The following CLDN14 variants were observed in gnomAD, a reference collection of about 807,000 sequenced individuals.
The protein encoded by CLDN14 is claudin-14.
Under a neutral mutation model 2.1 loss-of-function variants are expected in CLDN14, and 2 were observed. The ratio of observed to expected loss-of-function variants is 0.96; its 90% confidence interval spans 0.39 to 3.01. The LOEUF is 3.01. Ranked by LOEUF, CLDN14 falls within the 30% of genes most tolerant of loss-of-function variation. CLDN14 has a pLI of 0.09. For synonymous variants in CLDN14, 136 were observed against 154.4 expected, an observed-to-expected ratio of 0.88 and a Z score of 0.88; for missense variants, 298 against 328.0, an observed-to-expected ratio of 0.91 and a Z score of 0.71.
At chr21:36,524,804 C>T (rs115729865) in intron 1 of CLDN14, among the ~76,000 whole-genome samples, 148 of 152,300 alleles carry the variant, frequency 9.7e-4, no homozygotes, top group African/African-American at 3.5e-3. Context: ...TATGCTCTGC[C>T]GGGCTGTGAC....
intron 1 of CLDN14, among the ~76,000 whole-genome samples, chr21:36,533,433 TA>T (rs993717776): frequency 9.9e-5 from 15 of 152,210 alleles, no homozygotes; most frequent in African/African-American, 3.1e-4. Context: ...GCTTCCGGCT[TA>T]CAATTGTGAA....
At chr21:36,548,070 T>C (rs936361608) in intron 1 of CLDN14, among the ~76,000 whole-genome samples, 1 of 152,072 alleles carries the variant, frequency 6.6e-6, no homozygotes, top group African/African-American at 2.4e-5. Context: ...TGTCAGTCCC[T>C]TGGATTCACT....
intron 2 of CLDN14, among the ~76,000 whole-genome samples, chr21:36,495,728 G>A (rs1253845227): frequency 2.6e-5 from 4 of 152,286 alleles, no homozygotes; most frequent in Non-Finnish European, 2.9e-5. Flanking sequence ...CTTACCCCAC[G>A]AAGTTCTTGT....
chr21:36,526,120 A>C (rs1046472810), intron 1 of CLDN14, among the ~76,000 whole-genome samples: 4 of 152,166 alleles, frequency 2.6e-5, no homozygotes, highest in Admixed American at 6.5e-5. Context: ...AGTCTAGCTG[A>C]AGATCATTTA....
At chr21:36,561,402 G>A (rs916121447) in intron 1 of CLDN14, among the ~76,000 whole-genome samples, 2 of 152,162 alleles carry the variant, frequency 1.3e-5, no homozygotes, top group African/African-American at 4.8e-5. Flanking sequence ...TCTTGACTTG[G>A]GGGAGGACAG....
At chr21:36,563,081 C>G (rs1342880924) in intron 1 of CLDN14, among the ~76,000 whole-genome samples, 2 of 76,918 alleles carry the variant, frequency 2.6e-5, no homozygotes, top group Non-Finnish European at 7.2e-5. Context: ...GTTTTAATCA[C>G]TAACTTAAAA....
intron 2 of CLDN14, among the ~76,000 whole-genome samples, chr21:36,506,111 TG>T (rs2087130056): frequency 6.6e-6 from 1 of 152,206 alleles, no homozygotes. Context: ...AGAATAAAAC[TG>T]GATAAAATGT....
intron 2 of CLDN14, among the ~76,000 whole-genome samples, chr21:36,503,546 A>T (rs1266820533): frequency 1.3e-5 from 2 of 152,158 alleles, no homozygotes; most frequent in African/African-American, 2.4e-5. Context: ...TCCATGTAAG[A>T]CATGACTTGC....
At chr21:36,514,294 C>T (rs2087207133) in intron 1 of CLDN14, among the ~76,000 whole-genome samples, 1 of 152,148 alleles carries the variant, frequency 6.6e-6, no homozygotes. Flanking sequence ...TTAGCAGCCT[C>T]ATGGGAGCTG....
intron 1 of CLDN14, among the ~76,000 whole-genome samples, chr21:36,522,367 G>A (rs1339382286): frequency 6.6e-6 from 1 of 152,232 alleles, no homozygotes; most frequent in Non-Finnish European, 1.5e-5. Flanking sequence ...TGGCGCAAAT[G>A]TTCTTCCTTG....
chr21:36,545,881 G>A (rs1164947568), intron 1 of CLDN14, among the ~76,000 whole-genome samples: 2 of 152,052 alleles, frequency 1.3e-5, no homozygotes, highest in South Asian at 2.1e-4. Context: ...CTGCCCAGGC[G>A]GGAGGAGGCA....
intron 1 of CLDN14, among the ~76,000 whole-genome samples, chr21:36,552,447 A>G (rs954150028): frequency 1.3e-5 from 2 of 152,184 alleles, no homozygotes; most frequent in African/African-American, 2.4e-5. Flanking sequence ...TTTATGTTAT[A>G]TTTATGGCCA....
At chr21:36,479,167 A>C (rs1418655515) in intron 1 of CLDN14, among the ~76,000 whole-genome samples, 1 of 152,110 alleles carries the variant, frequency 6.6e-6, no homozygotes, top group African/African-American at 2.4e-5. Context: ...GCCTCAAAAC[A>C]CTGAACAGAT....
At chr21:36,522,392 C>G (rs1358202331) in intron 1 of CLDN14, among the ~76,000 whole-genome samples, 1 of 152,246 alleles carries the variant, frequency 6.6e-6, no homozygotes, top group African/African-American at 2.4e-5. Context: ...TGCTTATTAA[C>G]TTTGGGAGAC....
At chr21:36,531,175 C>A (rs2087376358) in intron 1 of CLDN14, among the ~76,000 whole-genome samples, 1 of 151,942 alleles carries the variant, frequency 6.6e-6, no homozygotes, top group South Asian at 2.1e-4. Flanking sequence ...TTGCGGTGAG[C>A]CGAGATCATG....
chr21:36,534,204 C>A (rs1419104477), intron 1 of CLDN14, among the ~76,000 whole-genome samples: 2 of 152,040 alleles, frequency 1.3e-5, no homozygotes, highest in Admixed American at 6.6e-5. Flanking sequence ...CGGGTTCAAG[C>A]GATTCTCCTG....
rs1420174158 is a variant in CLDN14, at chr21:36,499,781, A to G, written c.-82+10582T>C. ...TTCTAGCTCATGGAGCCAGCTGGGC[A>G]AAGCCAGCAGGGATTTATTGCTCCT... is the stretch of plus-strand genomic sequence containing the variant. On this transcript the variant is annotated intron_variant, in intron 2 of 2. Coordinates refer to the CLDN14 transcript ENST00000342108. The surrounding 1 kb of genome is among the most constrained non-coding windows in gnomAD (Gnocchi z 4.7). 1.3e-5 allele frequency among the ~76,000 whole-genome samples: 2 copies of G among 152,168 alleles called. No individual in the cohort carries two copies. Among genetic ancestry groups the G allele is most frequent in the Non-Finnish European group, 2.9e-5 (2 of 68,034 alleles).
chr21:36,519,438 G>A (rs374431531), intron 1 of CLDN14, among the ~76,000 whole-genome samples: 1 of 152,178 alleles, frequency 6.6e-6, no homozygotes, highest in Non-Finnish European at 1.5e-5. Context: ...TTAGCCAGAC[G>A]TGGTGGCTCT....
At chr21:36,540,663 T>TG (rs148447196) in intron 1 of CLDN14, among the ~76,000 whole-genome samples, 3,006 of 149,284 alleles carry the variant, frequency 0.02, 95 homozygotes, top group African/African-American at 0.07. Flanking sequence ...AGGGAGGGAC[T>TG]GGGGGGCAGG....
Sources: allele counts gnomAD v4.1 joint callset (sites outside exome capture counted in the v4.1 genomes callset), GRCh38; gene constraint gnomAD v4.1.1; non-coding constraint Gnocchi (gnomAD v3.1); transcripts MANE v1.5; gene names NCBI Gene and HGNC (gene_info 2026-07-23, HGNC 2026-07-21).